Variants in TLCD4 observed in about 807,000 individuals in gnomAD.
TLCD4 encodes TLC domain containing 4, also known as TLC domain-containing protein 4.
Under a neutral mutation model 24.2 loss-of-function variants are expected in TLCD4, and 7 were observed. That is an observed-to-expected ratio of 0.29 (90% CI 0.16 to 0.54). TLCD4 has a LOEUF of 0.54. TLCD4 is among the 20% of genes least tolerant of loss of function. The probability of loss-of-function intolerance (pLI) is 0.95; values close to 1 mark genes in which losing one functional copy is unlikely to be tolerated. For missense variants in TLCD4, 259 were observed against 313.9 expected (o/e 0.82, Z 1.32); for synonymous variants, 103 against 106.4 (o/e 0.97, Z 0.20).
chr1:95,187,432 C>T (rs112650691), intron 6 of TLCD4, among the ~76,000 whole-genome samples: 93 of 152,172 alleles, frequency 6.1e-4, no homozygotes, highest in African/African-American at 2.0e-3. Flanking sequence ...TCTCTGGTGA[C>T]CTTGACGGTT....
intron 6 of TLCD4, among the ~76,000 whole-genome samples, chr1:95,174,906 G>T (rs775680891): frequency 1.3e-5 from 2 of 152,066 alleles, no homozygotes; most frequent in African/African-American, 2.4e-5. Context: ...CTCCCAAGTA[G>T]CAGGGATTAC....
intron 1 of TLCD4, among the ~76,000 whole-genome samples, chr1:95,127,951 G>A (rs1676783850): frequency 6.6e-6 from 1 of 152,120 alleles, no homozygotes; most frequent in Admixed American, 6.6e-5. Context: ...GAAAAACAAA[G>A]ATTTCTTTAT....
intron 1 of TLCD4, among the ~76,000 whole-genome samples, chr1:95,126,401 C>T (rs1676736198): frequency 1.3e-5 from 2 of 149,876 alleles, no homozygotes; most frequent in South Asian, 2.1e-4. Context: ...GCACTCCAGC[C>T]CAGGTGACAG....
intron 6 of TLCD4, among the ~76,000 whole-genome samples, chr1:95,174,640 C>G (rs4949995): frequency 0.36 from 55,102 of 151,878 alleles, 11,598 homozygotes; most frequent in Middle Eastern, 0.55. Flanking sequence ...GTCCAGTGAG[C>G]TGAGATCCAG....
chr1:95,098,045 C>G, the TLCD4 span, among the ~76,000 whole-genome samples: 30 of 152,206 alleles, frequency 2.0e-4, no homozygotes, highest in South Asian at 5.0e-3. Flanking sequence ...ACAGTTACCA[C>G]CATCATTTAT....
At chr1:95,129,755 T>G (rs1354811103) in intron 1 of TLCD4, among the ~76,000 whole-genome samples, 2 of 152,264 alleles carry the variant, frequency 1.3e-5, no homozygotes, top group Non-Finnish European at 2.9e-5. Flanking sequence ...AAAGGGAGTG[T>G]AACTTAATTA....
intron 5 of TLCD4, among the ~76,000 whole-genome samples, chr1:95,170,961 A>C (rs1436341723): frequency 6.6e-6 from 1 of 152,176 alleles, no homozygotes; most frequent in Non-Finnish European, 1.5e-5. Flanking sequence ...AGGAGTTTGA[A>C]ATGCAAATGG....
In TLCD4 at chr1:95,129,650, G is replaced by T. The variant is rs149709903; in HGVS notation, c.-12+12033G>T. Among the ~76,000 whole-genome samples, 58 of 152,264 alleles carry T rather than the reference G, an allele frequency of 3.8e-4. No homozygotes were observed. In the East Asian group the frequency reaches 0.01, roughly 26 times the overall value. ...CCAGCTACTCAGGAGGCTGAGACAC[G>T]AGAATAGCTTGAACCTGGGAGGCAG... On this transcript the variant is annotated intron_variant, in intron 1 of 6. Coordinates refer to ENST00000370203, the MANE Select transcript of TLCD4 (RefSeq NM_152487.3).
At chr1:95,125,419 C>G (rs1438826734) in intron 1 of TLCD4, 2 of 152,272 alleles carry the variant, frequency 1.3e-5, no homozygotes, top group African/African-American at 4.8e-5. Flanking sequence ...GGAAACAGTG[C>G]AGTTGGGACC....
Position 95,152,291 on chromosome 1 carries a change from C to G in TLCD4, c.399+872C>G, listed in dbSNP as rs372612619. On this transcript the variant is annotated intron_variant, in intron 5 of 6. Transcript: ENST00000370203. ...AGGTTTTTTTCTATGCAGTGAATTC[C>G]CAGGTCATTTTGTGCATTTTGTTAT... is the stretch of plus-strand genomic sequence containing the variant. Among the ~76,000 whole-genome samples the G allele has an allele frequency of 3.7e-4, 56 of 151,798 alleles. 2 individuals are homozygous for G. The South Asian group carries it at 0.011, about 31-fold the overall frequency.
intron 1 of TLCD4, among the ~76,000 whole-genome samples, chr1:95,122,783 T>A (rs1676605819): frequency 1.3e-5 from 2 of 152,224 alleles, no homozygotes; most frequent in Admixed American, 6.5e-5. Flanking sequence ...TTTGGGGACC[T>A]GGAGAAACTT....
chr1:95,131,243 G>A (rs1287395625), intron 1 of TLCD4, among the ~76,000 whole-genome samples: 1 of 152,152 alleles, frequency 6.6e-6, no homozygotes, highest in Non-Finnish European at 1.5e-5. Flanking sequence ...GGCAGGTAAT[G>A]GGGGAATTAA....
chr1:95,135,024 C>T (rs1208778512), intron 1 of TLCD4, among the ~76,000 whole-genome samples: 1 of 152,188 alleles, frequency 6.6e-6, no homozygotes, highest in African/African-American at 2.4e-5. Context: ...AATGGTAGAA[C>T]TGAGACTCAA....
chr1:95,151,229 A>T, intron 4 of TLCD4, 96 bp from the exon 5 acceptor site: 1 of 1,209,080 alleles, frequency 8.3e-7, no homozygotes, highest in Non-Finnish European at 1.2e-6. Flanking sequence ...CTCAGAGTGG[A>T]CAGTGATGAG....
Position 95,168,554 on chromosome 1 carries a change from CTTTTTTTTTTTTTTTTTT to C in TLCD4, c.400-5250_400-5233del, listed in dbSNP as rs34574043. ...TCTTTTGGAATGAAATGTGAGTGAG[CTTTTTTTTTTTTTTTTTT>C]TTTTTTTTTTTAAGAGACGGGGTCT... On this transcript the variant is annotated intron_variant, in intron 5 of 6. Transcript: ENST00000370203. Among the ~76,000 whole-genome samples, 82 of 51,154 alleles carry C rather than the reference CTTTTTTTTTTTTTTTTTT, an allele frequency of 1.6e-3. No homozygotes were observed. The East Asian group carries it at 0.021, about 13-fold the overall frequency. 33.6% of individuals were successfully genotyped at this position (51,154 alleles called of 152,430 possible). A position where few individuals can be genotyped will look rare whatever the true frequency, so the allele number is the denominator to read the frequency against.
At chr1:95,171,070 C>T (rs1036988813) in intron 5 of TLCD4, among the ~76,000 whole-genome samples, 4 of 151,900 alleles carry the variant, frequency 2.6e-5, no homozygotes, top group South Asian at 2.1e-4. Flanking sequence ...TTTTTTTAGC[C>T]GCAAATGTGA....
chr1:95,097,099 A>G, the TLCD4 span, among the ~76,000 whole-genome samples: 1 of 151,920 alleles, frequency 6.6e-6, no homozygotes, highest in African/African-American at 2.4e-5. Flanking sequence ...TTTTTTCTTG[A>G]TACATAATAG....
the TLCD4 span, among the ~76,000 whole-genome samples, chr1:95,104,663 C>CAAAAAAAAAAAAAAAAAAAA: frequency 6.6e-4 from 27 of 40,612 alleles, 3 homozygotes; most frequent in Non-Finnish European, 1.1e-3. Flanking sequence ...GACTCCGTCT[C>CAAAAAAAAAAAAAAAAAAAA]AAAAAAAAAA....
rs1677593729 is a variant in TLCD4 at position 95,155,015 on chromosome 1, T to TGC, written c.399+3596_399+3597insGC. On this transcript the variant is annotated intron_variant, in intron 5 of 6. Transcript: ENST00000370203. ...ACCAACATATAGTCGTAGTGTAGTG[T>TGC]AGTGCAGTGCAGTGCAGTGTAGTGT... Among the ~76,000 whole-genome samples the TGC allele has an allele frequency of 6.0e-5, 9 of 150,274 alleles. No homozygotes were observed. The South Asian group carries it at 8.4e-4, about 14-fold the overall frequency.
Sources: allele counts gnomAD v4.1 joint callset (sites outside exome capture counted in the v4.1 genomes callset), GRCh38; gene constraint gnomAD v4.1.1; transcripts MANE v1.5; gene names NCBI Gene and HGNC (gene_info 2026-07-23, HGNC 2026-07-21).